Variants in ADORA2A observed in about 807,000 individuals in gnomAD.
The protein encoded by ADORA2A is adenosine receptor A2a.
In ADORA2A, 11 loss-of-function variants were observed where a neutral mutation model predicts 18.4. The observed-to-expected ratio is 0.60, with a 90% confidence interval of 0.38 to 0.99. ADORA2A has a LOEUF of 0.99. Ranked by LOEUF, ADORA2A falls within the 50% of genes least tolerant of loss-of-function variation. ADORA2A has a pLI of 0.01. For synonymous variants in ADORA2A, 218 were observed against 237.3 expected (o/e 0.92, Z 0.75); for missense variants, 449 against 556.1 (o/e 0.81, Z 1.94).
chr22:24,426,324 G>C (rs980140518), upstream of ADORA2A, among the ~76,000 whole-genome samples: 3 of 152,238 alleles, frequency 2.0e-5, no homozygotes, highest in Admixed American at 6.5e-5. Flanking sequence ...ACGCAGGAGA[G>C]CAGAGGAAGG....
At chr22:24,434,300 A>G (rs937066236) in intron 2 of ADORA2A, among the ~76,000 whole-genome samples, 1 of 152,184 alleles carries the variant, frequency 6.6e-6, no homozygotes, top group Non-Finnish European at 1.5e-5. Flanking sequence ...ACAGTGAGTC[A>G]CTTGGACCTA....
chr22:24,439,846 G>C (rs1335349603), intron 2 of ADORA2A, among the ~76,000 whole-genome samples: 1 of 152,118 alleles, frequency 6.6e-6, no homozygotes, highest in East Asian at 1.9e-4. Flanking sequence ...TGTTAAGATG[G>C]CCATGTAAAT....
rs144427027 is a variant in ADORA2A at position 24,441,241 on chromosome 22, G to A, written c.991G>A (p.Gly331Arg). 9 of 1,613,510 alleles carry A rather than the reference G, an allele frequency of 5.6e-6. No individual in the cohort carries two copies. Among genetic ancestry groups the A allele is most frequent in the African/African-American group, 4.0e-5 (3 of 74,952 alleles). The change falls in exon 3 of 3, where the codon GGA becomes AGA. Residue 331 changes from glycine (G) to arginine (R), a missense_variant. By Grantham distance (125) the Gly-to-Arg change is moderately radical. Transcript: ENST00000337539. ...ARVLAAHGSD[G>R]EQVSLRLNGH... is the part of the protein sequence containing the mutation. Reference sequence around the variant, plus strand: ...GGTCTTGGCAGCTCATGGCAGTGACGGAGAGCAGGTCAGCCTCCGTCTCAA... The same window carrying A: ...GGTCTTGGCAGCTCATGGCAGTGACAGAGAGCAGGTCAGCCTCCGTCTCAA...
chr22:24,435,587 A>ATC (rs1386269971), intron 2 of ADORA2A, among the ~76,000 whole-genome samples: 1 of 152,168 alleles, frequency 6.6e-6, no homozygotes, highest in Non-Finnish European at 1.5e-5. Flanking sequence ...ATGGAAAGTT[A>ATC]GCTGCCTCTC....
intron 1 of ADORA2A, chr22:24,431,400 TGAG>T (rs1483431618): frequency 2.2e-6 from 1 of 456,700 alleles, no homozygotes; most frequent in South Asian, 1.5e-5. Flanking sequence ...TCCAGCCACT[TGAG>T]GTGCCGACAG....
chr22:24,431,238 G>T (rs1458491330), intron 1 of ADORA2A: 1 of 456,774 alleles, frequency 2.2e-6, no homozygotes, highest in South Asian at 1.5e-5. Flanking sequence ...CAGGCCCTCC[G>T]TTGCTGCAGG....
rs375627708 is a variant in ADORA2A, at chr22:24,440,727, C to T, written c.477C>T (p.Cys159=). 1.4e-5 allele frequency: 23 copies of T among 1,614,048 alleles called. No homozygotes were observed. Among genetic ancestry groups the T allele is most frequent in the South Asian group, 3.3e-5 (3 of 91,076 alleles). ...AGGGCAAGAACCACTCCCAGGGCTG[C>T]GGGGAGGGCCAAGTGGCCTGTCTCT... ...PKEGKNHSQG[C]GEGQVACLFE... The change falls in exon 3 of 3, where the codon TGC becomes TGT. Residue 159 remains cysteine (C), a synonymous_variant. Transcript: ENST00000337539.
intron 2 of ADORA2A, among the ~76,000 whole-genome samples, 196 bp downstream of exon 2, chr22:24,433,932 C>T (rs915377860): frequency 3.3e-5 from 5 of 152,254 alleles, no homozygotes; most frequent in Non-Finnish European, 7.3e-5. Flanking sequence ...CTGACTGACC[C>T]CTATGGGCGC....
chr22:24,435,335 C>T (rs2043148082), intron 2 of ADORA2A, among the ~76,000 whole-genome samples: 1 of 152,176 alleles, frequency 6.6e-6, no homozygotes, highest in South Asian at 2.1e-4. Flanking sequence ...GGCCAGAGAA[C>T]AAAGCACTGG....
At chr22:24,433,012 A>C in intron 1 of ADORA2A, 119 bp from the exon 2 acceptor site, 4 of 253,922 alleles carry the variant, frequency 1.6e-5, no homozygotes, top group African/African-American at 2.2e-5. Context: ...GCCTGTGGGT[A>C]GGGTGGGATC....
intron 2 of ADORA2A, among the ~76,000 whole-genome samples, chr22:24,437,308 T>C (rs2043205201): frequency 6.6e-6 from 1 of 152,212 alleles, no homozygotes; most frequent in Admixed American, 6.5e-5. Flanking sequence ...TGTGTCACGC[T>C]AGACAGCCTT....
intron 2 of ADORA2A, among the ~76,000 whole-genome samples, chr22:24,433,939 G>A (rs1022452442): frequency 1.3e-5 from 2 of 152,376 alleles, no homozygotes; most frequent in East Asian, 1.9e-4. Context: ...ACCCCTATGG[G>A]CGCAGGGCAG....
chr22:24,436,083 G>T (rs978746675), intron 2 of ADORA2A, among the ~76,000 whole-genome samples: 1 of 152,208 alleles, frequency 6.6e-6, no homozygotes, highest in Non-Finnish European at 1.5e-5. Context: ...ACATACGAGT[G>T]TCTCCTGATG....
At chr22:24,439,101 T>TTG (rs2043261215) in intron 2 of ADORA2A, among the ~76,000 whole-genome samples, 1 of 143,246 alleles carries the variant, frequency 7.0e-6, no homozygotes, top group Admixed American at 7.0e-5. Flanking sequence ...TTTTTTTTTT[T>TTG]GGAGACTGAG....
chr22:24,436,534 GCTCT>G (rs1271727469), intron 2 of ADORA2A, among the ~76,000 whole-genome samples: 3 of 152,230 alleles, frequency 2.0e-5, no homozygotes, highest in African/African-American at 4.8e-5. Flanking sequence ...CAGAGATGTA[GCTCT>G]CTGTGTTCCC....
intron 2 of ADORA2A, among the ~76,000 whole-genome samples, chr22:24,440,319 C>T (rs1170535716): frequency 6.6e-6 from 1 of 152,262 alleles, no homozygotes; most frequent in Non-Finnish European, 1.5e-5. Context: ...CCGAAAACTA[C>T]TCAATGACCA....
chr22:24,440,609 G>C lies in ADORA2A; in HGVS notation c.359G>C (p.Arg120Thr). The C allele has an allele frequency of 1.3e-6, 2 of 1,576,906 alleles. No homozygotes were observed. The highest frequency in any genetic ancestry group is 1.7e-6 in the Non-Finnish European group (2 of 1,158,408). The stretch of plus-strand genomic sequence containing the variant: ...TACAATGGCTTGGTGACCGGCACGA[G>C]GGCTAAGGGCATCATTGCCATCTGC... The part of the protein sequence containing the change: ...LRYNGLVTGT[R>T]AKGIIAICWV... The change falls in exon 3 of 3, where the codon AGG becomes ACG. Residue 120 changes from arginine (R) to threonine (T), a missense_variant. By Grantham distance (71) the Arg-to-Thr change is moderately conservative. Transcript: ENST00000337539.
chr22:24,440,803 T>C lies in ADORA2A; in HGVS notation c.553T>C (p.Cys185Arg). ...NYMVYFNFFA[C>R]VLVPLLLMLG... ...CATGGTGTACTTCAACTTCTTTGCCTGTGTGCTGGTGCCCCTGCTGCTCAT... is the reference window on the plus strand; with the variant it reads ...CATGGTGTACTTCAACTTCTTTGCCCGTGTGCTGGTGCCCCTGCTGCTCAT... The change falls in exon 3 of 3, where the codon TGT becomes CGT. Residue 185 changes from cysteine to arginine, a missense_variant. By Grantham distance (180) the Cys-to-Arg change is radical. Transcript: ENST00000337539. The C allele has an allele frequency of 1.2e-6, 2 of 1,614,220 alleles. No individual in the cohort carries two copies. Among genetic ancestry groups the C allele is most frequent in the Non-Finnish European group, 1.7e-6 (2 of 1,180,036 alleles).
intron 1 of ADORA2A, chr22:24,431,675 G>A: frequency 2.7e-6 from 1 of 365,058 alleles, no homozygotes; most frequent in Admixed American, 3.5e-5. Flanking sequence ...AGGGCCCCAT[G>A]AGGGTTCAGG....
Sources: gnomAD v4.1 joint callset for allele counts (sites outside exome capture counted in the v4.1 genomes callset) on GRCh38, gnomAD v4.1.1 for gene constraint, MANE v1.5 for transcripts, NCBI Gene and HGNC (gene_info 2026-07-23, HGNC 2026-07-21) for gene names.